The following IPMK variants were observed in gnomAD, a reference collection of about 807,000 sequenced individuals.
The protein encoded by IPMK is inositol 1,3,4,6-tetrakisphosphate 5-kinase.
A neutral mutation model predicts 45.8 loss-of-function variants in IPMK; 17 were observed. The ratio of observed to expected loss-of-function variants is 0.37; its 90% CI spans 0.25 to 0.56. The LOEUF is 0.56. Among genes scored for constraint, IPMK ranks in the 20% least tolerant of loss-of-function variants. The pLI is 0.79. For missense variants in IPMK, 399 were observed against 498.0 expected, an observed-to-expected ratio of 0.80 and a Z score of 1.89; for synonymous variants, 180 against 184.3, an observed-to-expected ratio of 0.98 and a Z score of 0.19.
intron 3 of IPMK, among the ~76,000 whole-genome samples, chr10:58,218,131 A>G (rs1838276714): frequency 6.6e-6 from 1 of 152,246 alleles, no homozygotes; most frequent in Admixed American, 6.5e-5. Flanking sequence ...TTAAGCCCAA[A>G]TATGACAAAA....
chr10:58,214,859 C>G (rs2132151935), intron 4 of IPMK, among the ~76,000 whole-genome samples: 1 of 152,238 alleles, frequency 6.6e-6, no homozygotes, highest in Non-Finnish European at 1.5e-5. Context: ...TCTTTTTTAT[C>G]AAAATGGCCT....
intron 4 of IPMK, among the ~76,000 whole-genome samples, chr10:58,200,929 T>C (rs1345030282): frequency 1.3e-5 from 2 of 152,154 alleles, no homozygotes; most frequent in Non-Finnish European, 2.9e-5. Flanking sequence ...GTATTTAGGG[T>C]ATTCACCACT....
chr10:58,226,929 T>C (rs916228343), intron 3 of IPMK, 114 bp downstream of exon 3: 25 of 619,418 alleles, frequency 4.0e-5, no homozygotes, highest in Non-Finnish European at 5.9e-5. Flanking sequence ...GCAAAACATA[T>C]ATATTTTGTG....
At chr10:58,233,306 C>T (rs1475496492) in intron 2 of IPMK, among the ~76,000 whole-genome samples, 1 of 152,168 alleles carries the variant, frequency 6.6e-6, no homozygotes, top group Non-Finnish European at 1.5e-5. Flanking sequence ...AGGGAATCCT[C>T]CCTAACTCAT....
chr10:58,261,140 C>T (rs531448775), intron 1 of IPMK, among the ~76,000 whole-genome samples: 82 of 147,050 alleles, frequency 5.6e-4, no homozygotes, highest in African/African-American at 2.0e-3. Context: ...ACTCTATGAA[C>T]TGATACATAC....
chr10:58,208,104 C>T lies in IPMK; in HGVS notation c.546+8041G>A, dbSNP rs573974900. On this transcript the variant is annotated intron_variant, in intron 4 of 5. Coordinates refer to ENST00000373935, the MANE Select transcript of IPMK (RefSeq NM_152230.5). The stretch of plus-strand genomic sequence containing the variant: ...TACAGGCGCCCGCCACCACGCCCGG[C>T]TAATTTTTTGTATTTTTAGTAGACA... Among the ~76,000 whole-genome samples, 4 of 152,142 alleles carry T rather than the reference C, an allele frequency of 2.6e-5. No individual in the cohort carries two copies. The East Asian group carries it at 5.8e-4, about 22-fold the overall frequency.
At chr10:58,240,202 T>TA (rs1170761735) in intron 1 of IPMK, among the ~76,000 whole-genome samples, 1 of 151,582 alleles carries the variant, frequency 6.6e-6, no homozygotes, top group Non-Finnish European at 1.5e-5. Context: ...TTTCAGGAGA[T>TA]AAACTACAAA....
At chr10:58,201,182 C>A (rs200428888) in intron 4 of IPMK, among the ~76,000 whole-genome samples, 2 of 152,102 alleles carry the variant, frequency 1.3e-5, no homozygotes, top group East Asian at 3.9e-4. Context: ...AATATGATAT[C>A]TTGTATGGAG....
chr10:58,236,384 A>G (rs1838613624), intron 2 of IPMK, among the ~76,000 whole-genome samples: 1 of 152,232 alleles, frequency 6.6e-6, no homozygotes, highest in Admixed American at 6.5e-5. Flanking sequence ...CACAGCTGGA[A>G]AAGATCTTAA....
At chr10:58,205,262 C>T (rs1445765556) in intron 4 of IPMK, among the ~76,000 whole-genome samples, 2 of 147,370 alleles carry the variant, frequency 1.4e-5, no homozygotes, top group African/African-American at 2.6e-5. Flanking sequence ...TCGACAAATA[C>T]TATCAAGTAA....
chr10:58,199,629 C>G (rs1404911371), intron 4 of IPMK, among the ~76,000 whole-genome samples: 1 of 152,158 alleles, frequency 6.6e-6, no homozygotes, highest in Non-Finnish European at 1.5e-5. Flanking sequence ...AAAAGCACTT[C>G]TTTTAAAATA....
intron 1 of IPMK, among the ~76,000 whole-genome samples, chr10:58,262,044 G>A (rs1204267566): frequency 6.6e-6 from 1 of 152,068 alleles, no homozygotes; most frequent in Non-Finnish European, 1.5e-5. Flanking sequence ...ACTGAACAAC[G>A]AGAACACTTG....
chr10:58,254,817 T>C (rs1357114207), intron 1 of IPMK, among the ~76,000 whole-genome samples: 8 of 152,250 alleles, frequency 5.3e-5, no homozygotes, highest in Admixed American at 5.2e-4. Context: ...TGCCCTGTCA[T>C]TGTTTCCTGT....
chr10:58,254,022 C>G (rs939728908), intron 1 of IPMK, among the ~76,000 whole-genome samples: 4 of 152,136 alleles, frequency 2.6e-5, no homozygotes, highest in Non-Finnish European at 5.9e-5. Flanking sequence ...AATTCCCTCT[C>G]TAGGTTGAAT....
intron 5 of IPMK, among the ~76,000 whole-genome samples, chr10:58,197,326 A>AATAAATAAATACATACATACATACATAC (rs764500371): frequency 0.053 from 7,809 of 146,216 alleles, 296 homozygotes; most frequent in Middle Eastern, 0.083. Context: ...TAAATAAATA[A>AATAAATAAATACATACATACATACATAC]ATACATAAAT....
chr10:58,240,516 T>C (rs760076254), intron 1 of IPMK, among the ~76,000 whole-genome samples: 2 of 151,800 alleles, frequency 1.3e-5, no homozygotes, highest in Non-Finnish European at 2.9e-5. Context: ...ACCTAGGATA[T>C]AGAAAGCTGG....
intron 1 of IPMK, among the ~76,000 whole-genome samples, chr10:58,262,714 C>A (rs1405825564): frequency 6.6e-6 from 1 of 152,056 alleles, no homozygotes. Flanking sequence ...AAATTTGGGA[C>A]CATTTGAGCA....
At chr10:58,252,436 G>GTTT (rs201330209) in intron 1 of IPMK, among the ~76,000 whole-genome samples, 6 of 129,994 alleles carry the variant, frequency 4.6e-5, no homozygotes, top group African/African-American at 1.3e-4. Flanking sequence ...GAATTTGACT[G>GTTT]TTTTTTTTTT....
chr10:58,262,726 C>T (rs1319428561), intron 1 of IPMK, among the ~76,000 whole-genome samples: 1 of 151,970 alleles, frequency 6.6e-6, no homozygotes, highest in Non-Finnish European at 1.5e-5. Context: ...ATTTGAGCAA[C>T]AAAATAAATA....
Sources: gnomAD v4.1 joint callset for allele counts (sites outside exome capture counted in the v4.1 genomes callset) on GRCh38, gnomAD v4.1.1 for gene constraint, MANE v1.5 for transcripts, NCBI Gene and HGNC (gene_info 2026-07-23, HGNC 2026-07-21) for gene names.